DPYD: variants seen among roughly 807,000 people sequenced by gnomAD.
DPYD encodes the protein dihydropyrimidine dehydrogenase.
In DPYD, 109 loss-of-function variants were observed where a neutral mutation model predicts 116.2. That is an observed-to-expected ratio of 0.94 (90% CI 0.80 to 1.10). The LOEUF (loss-of-function observed/expected upper bound fraction) is 1.10. DPYD is among the 50% of genes least tolerant of loss of function. The pLI, the probability that DPYD is intolerant of heterozygous loss-of-function variation, is 0.00. For synonymous variants in DPYD, 440 were observed against 432.0 expected, an observed-to-expected ratio of 1.02 and a Z score of -0.23; for missense variants, 1,302 against 1,254.5, an observed-to-expected ratio of 1.04 and a Z score of -0.57.
intron 12 of DPYD, among the ~76,000 whole-genome samples, chr1:97,522,717 CAAAA>C (rs34950626): frequency 7.2e-6 from 1 of 138,064 alleles, no homozygotes; most frequent in Admixed American, 7.4e-5. Context: ...GACTCTGTCT[CAAAA>C]AAAAAAAAAA....
chr1:97,094,080 T>C (rs1333635605), intron 21 of DPYD, among the ~76,000 whole-genome samples: 1 of 152,096 alleles, frequency 6.6e-6, no homozygotes, highest in Non-Finnish European at 1.5e-5. Flanking sequence ...CTCAAGTTAC[T>C]GAAAGTGTAT....
chr1:97,694,287 G>A (rs1661180414), intron 6 of DPYD, among the ~76,000 whole-genome samples: 1 of 152,212 alleles, frequency 6.6e-6, no homozygotes, highest in African/African-American at 2.4e-5. Flanking sequence ...ATTACTGATT[G>A]TGAAAAATGT....
At chr1:97,703,741 A>C (rs1030122795) in intron 5 of DPYD, among the ~76,000 whole-genome samples, 2 of 152,140 alleles carry the variant, frequency 1.3e-5, no homozygotes, top group African/African-American at 4.8e-5. Context: ...TTTCAAACAT[A>C]TAATGCAATA....
At chr1:97,920,766 A>T (rs1456299598) in intron 1 of DPYD, 118 bp downstream of exon 1, 2 of 1,408,428 alleles carry the variant, frequency 1.4e-6, no homozygotes, top group Admixed American at 2.0e-5. Context: ...CACGGGGGAA[A>T]CTTTCCCGCG....
At chr1:97,707,098 C>T (rs140131281) in intron 5 of DPYD, among the ~76,000 whole-genome samples, 1 of 152,014 alleles carries the variant, frequency 6.6e-6, no homozygotes, top group African/African-American at 2.4e-5. Flanking sequence ...TGAAAACTAA[C>T]CACAAATGTT....
intron 3 of DPYD, among the ~76,000 whole-genome samples, chr1:97,818,113 T>C (rs1227877326): frequency 1.3e-5 from 2 of 152,042 alleles, no homozygotes; most frequent in Non-Finnish European, 2.9e-5. Context: ...CTCATGTTGC[T>C]GTTGCCAATG....
At position 97,533,054 on chromosome 1, in the gene DPYD, G is replaced by GT. The variant is rs887719450; in HGVS notation, c.1524+16505dup. On this transcript the variant is annotated intron_variant, in intron 12 of 22. Transcript: ENST00000370192. Reference sequence around the variant, plus strand: ...TCTCTTAGTACTGTTCTTGCATTAAGTTTTTTTTTATTAGTCTTTTGGTAT... The same window carrying GT: ...TCTCTTAGTACTGTTCTTGCATTAAGTTTTTTTTTTATTAGTCTTTTGGTAT... 1.1e-4 allele frequency among the ~76,000 whole-genome samples: 16 copies of GT among 150,506 alleles called. No homozygotes were observed. In the South Asian group the frequency reaches 1.3e-3, roughly 12 times the overall value.
At chr1:97,638,969 G>A (rs1034605084) in intron 8 of DPYD, among the ~76,000 whole-genome samples, 2 of 152,130 alleles carry the variant, frequency 1.3e-5, no homozygotes, top group African/African-American at 4.8e-5. Context: ...ATCATTTGGA[G>A]ATGGTATCAT....
At chr1:97,489,129 T>C (rs1283354690) in intron 13 of DPYD, among the ~76,000 whole-genome samples, 3 of 152,202 alleles carry the variant, frequency 2.0e-5, no homozygotes, top group Non-Finnish European at 2.9e-5. Context: ...AGACAACCCA[T>C]AGCTTTGTTA....
At chr1:97,769,289 C>G (rs552675399) in intron 3 of DPYD, among the ~76,000 whole-genome samples, 2 of 152,120 alleles carry the variant, frequency 1.3e-5, no homozygotes, top group South Asian at 4.1e-4. Context: ...ACATTTTTTT[C>G]TAAGGCAATG....
At chr1:97,225,219 G>T (rs1416187714) in intron 19 of DPYD, among the ~76,000 whole-genome samples, 1 of 151,964 alleles carries the variant, frequency 6.6e-6, no homozygotes, top group African/African-American at 2.4e-5. Flanking sequence ...CCCCAACAAT[G>T]AACAAAAGTT....
chr1:97,901,410 G>A (rs1272988825), intron 1 of DPYD, among the ~76,000 whole-genome samples: 1 of 151,834 alleles, frequency 6.6e-6, no homozygotes, highest in Admixed American at 6.6e-5. Flanking sequence ...TGCTGATTAA[G>A]CCACAATATA....
At chr1:97,545,150 AG>A (rs1650733699) in intron 12 of DPYD, among the ~76,000 whole-genome samples, 1 of 152,196 alleles carries the variant, frequency 6.6e-6, no homozygotes, top group Non-Finnish European at 1.5e-5. Flanking sequence ...TGGTAAATAC[AG>A]CTATGTACCG....
chr1:97,722,070 A>T (rs1374198401), intron 4 of DPYD, among the ~76,000 whole-genome samples: 1 of 151,744 alleles, frequency 6.6e-6, no homozygotes, highest in Non-Finnish European at 1.5e-5. Flanking sequence ...ACAACAAAAA[A>T]TGGTTATACT....
At chr1:97,731,814 T>A (rs1471026265) in intron 4 of DPYD, among the ~76,000 whole-genome samples, 1 of 152,004 alleles carries the variant, frequency 6.6e-6, no homozygotes, top group East Asian at 1.9e-4. Context: ...AGATTTTTCT[T>A]GTCTTAATAT....
intron 18 of DPYD, among the ~76,000 whole-genome samples, chr1:97,241,740 T>G (rs1336145393): frequency 6.6e-6 from 1 of 151,866 alleles, no homozygotes; most frequent in Non-Finnish European, 1.5e-5. Flanking sequence ...TGGTTTTCCC[T>G]AATTAAAAAA....
rs17377205 is a variant in DPYD, at chr1:97,512,187, G to T, written c.1740+3539C>A. Among the ~76,000 whole-genome samples the T allele has an allele frequency of 5.0e-3, 766 of 151,914 alleles. 2 individuals are homozygous for T. Among genetic ancestry groups the T allele is most frequent in the Non-Finnish European group, 8.5e-3 (579 of 67,858 alleles). On this transcript the variant is annotated intron_variant, in intron 13 of 22. Transcript: ENST00000370192. The stretch of plus-strand genomic sequence containing the variant: ...CCTATACATTAAGCTTTGTGCTATG[G>T]GGTATAAGGTTGTGTTTTACAGAAA...
At chr1:97,363,233 A>T (rs941429009) in intron 16 of DPYD, among the ~76,000 whole-genome samples, 5 of 152,252 alleles carry the variant, frequency 3.3e-5, no homozygotes, top group African/African-American at 1.2e-4. Flanking sequence ...AGAGAAATGC[A>T]AATCAAAACC....
At chr1:97,316,513 C>CAATAAAATAA (rs57832711) in intron 16 of DPYD, among the ~76,000 whole-genome samples, 9,611 of 124,248 alleles carry the variant, frequency 0.077, 494 homozygotes, top group Non-Finnish European at 0.09. Flanking sequence ...GACTCTGTCT[C>CAATAAAATAA]AATAAAATAA....
Sources: gnomAD v4.1 joint callset for allele counts (sites outside exome capture counted in the v4.1 genomes callset) on GRCh38, gnomAD v4.1.1 for gene constraint, MANE v1.5 for transcripts, NCBI Gene and HGNC (gene_info 2026-07-23, HGNC 2026-07-21) for gene names.